The following RASAL2 variants were observed in gnomAD, a reference collection of about 807,000 sequenced individuals.
RASAL2 encodes the protein RAS protein activator like 2.
A neutral mutation model predicts 128.9 loss-of-function variants in RASAL2; 58 were observed. The observed-to-expected ratio is 0.45, with a 90% confidence interval of 0.36 to 0.56. The LOEUF is 0.56. RASAL2 is among the 20% of genes least tolerant of loss of function. The probability of loss-of-function intolerance (pLI) is 0.00; values close to 1 mark genes in which losing one functional copy is unlikely to be tolerated. For missense variants in RASAL2, 1,360 were observed against 1,601.6 expected (o/e 0.85, Z 2.57); for synonymous variants, 561 against 580.8 (o/e 0.97, Z 0.49).
At chr1:178,257,792 G>C (rs1185719962) in intron 1 of RASAL2, among the ~76,000 whole-genome samples, 1 of 147,462 alleles carries the variant, frequency 6.8e-6, no homozygotes, top group Admixed American at 6.9e-5. Context: ...AATGAGCCAT[G>C]ATCATGCCAC....
At chr1:178,363,378 C>T (rs563074613) in intron 3 of RASAL2, among the ~76,000 whole-genome samples, 22 of 151,978 alleles carry the variant, frequency 1.4e-4, no homozygotes, top group Non-Finnish European at 2.8e-4. Flanking sequence ...GGCATTGCAT[C>T]GTTATATATT....
chr1:178,265,575 G>C (rs981239403), intron 1 of RASAL2, among the ~76,000 whole-genome samples: 2 of 152,210 alleles, frequency 1.3e-5, no homozygotes, highest in African/African-American at 4.8e-5. Flanking sequence ...TGAGGAGATT[G>C]AGGTTCAATT....
chr1:178,236,143 T>C (rs141483672), intron 1 of RASAL2, among the ~76,000 whole-genome samples: 4 of 152,252 alleles, frequency 2.6e-5, no homozygotes, highest in African/African-American at 9.6e-5. Flanking sequence ...GTCTCTTTTG[T>C]TCAGATATTA....
At chr1:178,465,855 G>T in intron 15 of RASAL2, 65 bp from the exon 16 acceptor site, 1 of 1,274,092 alleles carries the variant, frequency 7.8e-7, no homozygotes, top group Non-Finnish European at 1.1e-6. Flanking sequence ...AGAAAGAAAA[G>T]TAAATCACTG....
chr1:178,317,276 G>A (rs1334337893), intron 3 of RASAL2, among the ~76,000 whole-genome samples: 4 of 143,150 alleles, frequency 2.8e-5, no homozygotes, highest in Non-Finnish European at 4.5e-5. Context: ...GTCTCTGCCC[G>A]GCTTTGGTAT....
intron 1 of RASAL2, among the ~76,000 whole-genome samples, chr1:178,114,696 T>C (rs1659461723): frequency 6.6e-6 from 1 of 152,064 alleles, no homozygotes; most frequent in African/African-American, 2.4e-5. Context: ...TAATTTTTTC[T>C]ATCTTTTAGT....
chr1:178,366,521 A>T (rs1172794745), intron 3 of RASAL2, among the ~76,000 whole-genome samples: 3 of 150,862 alleles, frequency 2.0e-5, no homozygotes, highest in Non-Finnish European at 4.4e-5. Flanking sequence ...AAATGTGGTG[A>T]TTGTAAAATT....
chr1:178,167,575 A>G (rs547123636), intron 1 of RASAL2, among the ~76,000 whole-genome samples: 3 of 152,236 alleles, frequency 2.0e-5, no homozygotes, highest in South Asian at 2.1e-4. Flanking sequence ...AGAAATTTGC[A>G]TGTAACTTTT....
chr1:178,342,356 T>G (rs961128875), intron 3 of RASAL2, among the ~76,000 whole-genome samples: 1 of 152,230 alleles, frequency 6.6e-6, no homozygotes, highest in Admixed American at 6.5e-5. Flanking sequence ...CAGTTTAACG[T>G]GTTTTTCATA....
chr1:178,236,327 C>T (rs1036348799), intron 1 of RASAL2, among the ~76,000 whole-genome samples: 4 of 152,134 alleles, frequency 2.6e-5, no homozygotes, highest in Non-Finnish European at 5.9e-5. Flanking sequence ...AGGTATGATA[C>T]TGTAATAACC....
Position 178,457,956 on chromosome 1 carries a change from A to G in RASAL2, c.2664A>G (p.Lys888=). 1 of 1,614,120 alleles carries G rather than the reference A, an allele frequency of 6.2e-7. No individual in the cohort carries two copies. The highest frequency in any genetic ancestry group is 8.5e-7 in the Non-Finnish European group (1 of 1,180,018). ...CCATAACCCAGGTGGCCAGCATCAA[A>G]CAGCTGCGGGAAACCCAGAGCACTC... ...QLSITQVASI[K]QLRETQSTPQ... The change falls in exon 14 of 18, where the codon AAA becomes AAG. Residue 888 remains lysine (K), a synonymous_variant. Transcript: ENST00000367649.
intron 2 of RASAL2, among the ~76,000 whole-genome samples, chr1:178,290,105 A>G (rs1326619157): frequency 6.6e-6 from 1 of 152,170 alleles, no homozygotes; most frequent in African/African-American, 2.4e-5. Context: ...TATATAATTT[A>G]TTTATTATGT....
chr1:178,438,104 G>C (rs1434046631), intron 5 of RASAL2, among the ~76,000 whole-genome samples: 1 of 47,354 alleles, frequency 2.1e-5, no homozygotes, highest in South Asian at 1.0e-3. Context: ...ATGGTGGCTT[G>C]TGTGTGTGTG....
chr1:178,385,761 G>C (rs1672530386), intron 3 of RASAL2, among the ~76,000 whole-genome samples: 1 of 151,990 alleles, frequency 6.6e-6, no homozygotes, highest in African/African-American at 2.4e-5. Flanking sequence ...CCTACTATTT[G>C]TTCCCACTCA....
intron 5 of RASAL2, 66 bp downstream of exon 5, chr1:178,420,686 G>T (rs57218463): frequency 6.6e-6 from 8 of 1,218,770 alleles, no homozygotes; most frequent in African/African-American, 1.5e-5. Flanking sequence ...AGGCATTTTG[G>T]TCTATTCTGA....
intron 3 of RASAL2, among the ~76,000 whole-genome samples, chr1:178,359,450 G>A (rs920967555): frequency 1.3e-5 from 2 of 152,076 alleles, no homozygotes; most frequent in Non-Finnish European, 2.9e-5. Context: ...TTTGTTCTTT[G>A]CAGTATTCTT....
At chr1:178,219,930 C>T (rs1217759452) in intron 1 of RASAL2, among the ~76,000 whole-genome samples, 8 of 151,974 alleles carry the variant, frequency 5.3e-5, no homozygotes, top group South Asian at 2.1e-4. Context: ...CTAATAGGGG[C>T]GGGTGGATCC....
intron 3 of RASAL2, among the ~76,000 whole-genome samples, chr1:178,314,744 C>G (rs1489277352): frequency 6.6e-6 from 1 of 152,142 alleles, no homozygotes; most frequent in African/African-American, 2.4e-5. Flanking sequence ...GTAGGCATCA[C>G]AGATACTTAT....
At chr1:178,437,722 C>T (rs1676345577) in intron 5 of RASAL2, among the ~76,000 whole-genome samples, 1 of 151,838 alleles carries the variant, frequency 6.6e-6, no homozygotes, top group Admixed American at 6.6e-5. Context: ...TCAGGCTTCC[C>T]GTGTAGCATA....
Sources: allele counts gnomAD v4.1 joint callset (sites outside exome capture counted in the v4.1 genomes callset), GRCh38; gene constraint gnomAD v4.1.1; transcripts MANE v1.5; gene names NCBI Gene and HGNC (gene_info 2026-07-23, HGNC 2026-07-21).